COL21A1: variants seen among roughly 807,000 people sequenced by gnomAD.
COL21A1 encodes collagen alpha-1(XXI) chain.
In COL21A1, 149 loss-of-function variants were observed where a neutral mutation model predicts 137.9. That is an observed-to-expected ratio of 1.08 (90% CI 0.95 to 1.24). The LOEUF (loss-of-function observed/expected upper bound fraction) is 1.24. Among genes scored for constraint, COL21A1 ranks in the 50% most tolerant of loss-of-function variants. The pLI is 0.00. For synonymous variants in COL21A1, 456 were observed against 391.5 expected, an observed-to-expected ratio of 1.16 and a Z score of -1.95; for missense variants, 1,167 against 1,158.4, an observed-to-expected ratio of 1.01 and a Z score of -0.11.
intron 17 of COL21A1, among the ~76,000 whole-genome samples, chr6:56,097,561 C>A (rs1215717983): frequency 6.6e-6 from 1 of 150,870 alleles, no homozygotes; most frequent in Non-Finnish European, 1.5e-5. Flanking sequence ...TGGTTAAAAT[C>A]TAAAGGGCCA....
At chr6:56,349,342 C>A (rs1418134800) in intron 1 of COL21A1, among the ~76,000 whole-genome samples, 1 of 103,654 alleles carries the variant, frequency 9.6e-6, no homozygotes, top group Non-Finnish European at 2.1e-5. Flanking sequence ...AGACCCGCCC[C>A]CCTGAAAAAA....
At chr6:56,366,982 A>C (rs1173114374) in intron 1 of COL21A1, among the ~76,000 whole-genome samples, 1 of 152,212 alleles carries the variant, frequency 6.6e-6, no homozygotes, top group African/African-American at 2.4e-5. Context: ...CTTAACAAAA[A>C]ATATAATCTT....
chr6:56,071,838 A>G (rs938237792), intron 20 of COL21A1, among the ~76,000 whole-genome samples: 1 of 151,592 alleles, frequency 6.6e-6, no homozygotes, highest in African/African-American at 2.4e-5. Context: ...GTTCTGGGTT[A>G]TATGTGCAGG....
rs2114121239 is a variant in COL21A1, at chr6:56,075,547, C to T, written c.1858-15G>A. The T allele has an allele frequency of 6.8e-7, 1 of 1,477,324 alleles. No individual in the cohort carries two copies. Among genetic ancestry groups the T allele is most frequent in the East Asian group, 2.5e-5 (1 of 39,964 alleles). The allele number at this position is 1,477,324 out of a possible 1,614,324, so 91.5% of individuals were successfully genotyped here. On this transcript the variant is annotated splice_polypyrimidine_tract_variant and intron_variant, in intron 18 of 29. Transcript: ENST00000244728. ...CCAATTTCTCCCTAAAAAAATCAAA[C>T]ATTAAAAACATTATAAATTGTAAAT...
At chr6:56,292,399 C>CA (rs969044371) in intron 1 of COL21A1, among the ~76,000 whole-genome samples, 17 of 139,968 alleles carry the variant, frequency 1.2e-4, no homozygotes, top group African/African-American at 4.0e-4. Context: ...GGACCCCCCC[C>CA]CTCCCCCGCC....
chr6:56,219,265 G>C (rs1780682484), intron 1 of COL21A1, among the ~76,000 whole-genome samples: 1 of 146,246 alleles, frequency 6.8e-6, no homozygotes. Flanking sequence ...TTGGTGGTCT[G>C]CTGTCGGTCT....
chr6:56,115,821 G>T (rs1029322447), intron 16 of COL21A1, among the ~76,000 whole-genome samples: 4 of 152,036 alleles, frequency 2.6e-5, no homozygotes, highest in Non-Finnish European at 4.4e-5. Flanking sequence ...ATTTCACAAA[G>T]AAATTGAAAT....
chr6:56,158,262 T>TTTC (rs1775918333), intron 9 of COL21A1, among the ~76,000 whole-genome samples: 3 of 119,666 alleles, frequency 2.5e-5, no homozygotes, highest in African/African-American at 1.1e-4. Flanking sequence ...TCTTTTTTTT[T>TTTC]TTTCTTTTTT....
In COL21A1 at chr6:56,124,274, C is replaced by T. The variant is rs1772821154; in HGVS notation, c.1669G>A (p.Gly557Arg). Residue 557 changes from glycine (G) to arginine (R), a missense_variant, in exon 15 of 30, where the codon GGG becomes AGG. Gly to Arg is a moderately radical substitution (Grantham distance 125). Coordinates refer to ENST00000244728, the MANE Select transcript of COL21A1 (RefSeq NM_030820.4). ...GGGAGGCCAGGGAAGCCAGCATTCC[C>T]CTTTTCACCTTTTGCACCCTGTATC... ...YGKKGAKGEKGNAGFPGLPGP... is the reference protein window; with the variant it reads ...YGKKGAKGEKRNAGFPGLPGP... 1 of 1,603,518 alleles carries T rather than the reference C, an allele frequency of 6.2e-7. No homozygotes were observed. Among genetic ancestry groups the T allele is most frequent in the Non-Finnish European group, 8.5e-7 (1 of 1,174,788 alleles).
intron 10 of COL21A1, among the ~76,000 whole-genome samples, chr6:56,151,687 G>A (rs1441773673): frequency 2.0e-5 from 3 of 152,134 alleles, no homozygotes; most frequent in Admixed American, 2.0e-4. Context: ...TTATTGAGGG[G>A]GGTTGCACAG....
At position 56,316,477 on chromosome 6, in the gene COL21A1, C is replaced by CT. The variant is rs60388494; in HGVS notation, c.-39+77493dup. ...CACACCTTTTAAAATTCTAAATAGA[C>CT]TTTTTTTTTTTTTTTTTTTTTTGAG... On this transcript the variant is annotated intron_variant, in intron 1 of 28. Transcript: ENST00000370819. Among the ~76,000 whole-genome samples, 93 of 75,780 alleles carry CT rather than the reference C, an allele frequency of 1.2e-3. 5 individuals are homozygous for CT. Among genetic ancestry groups the CT allele is most frequent in the African/African-American group, 3.3e-3 (65 of 19,880 alleles). The allele number at this position is 75,780 out of a possible 152,430, so 49.7% of individuals were successfully genotyped here.
chr6:56,182,044 C>CT (rs869186861), intron 2 of COL21A1, among the ~76,000 whole-genome samples: 2 of 151,928 alleles, frequency 1.3e-5, no homozygotes. Flanking sequence ...CATAAGCAAA[C>CT]TTTTTTTTAA....
chr6:56,304,235 T>C lies in COL21A1; in HGVS notation c.-39+89736A>G, dbSNP rs1417602011. 2.0e-5 allele frequency among the ~76,000 whole-genome samples: 3 copies of C among 152,212 alleles called. No individual in the cohort carries two copies. The East Asian group carries it at 5.8e-4, about 29-fold the overall frequency. On this transcript the variant is annotated intron_variant, in intron 1 of 28. Coordinates refer to the COL21A1 transcript ENST00000370819. The stretch of plus-strand genomic sequence containing the variant: ...CTGCCCAGCTTTGGTATCAGGATGA[T>C]GCTGGCCTCATAAAATGAGTTAGGG...
intron 1 of COL21A1, among the ~76,000 whole-genome samples, chr6:56,375,367 A>T (rs894963285): frequency 6.6e-6 from 1 of 152,230 alleles, no homozygotes; most frequent in Admixed American, 6.5e-5. Context: ...CTCGCTTCCA[A>T]TTGAGTTCAG....
intron 1 of COL21A1, among the ~76,000 whole-genome samples, chr6:56,364,766 A>G (rs80312932): frequency 1.1e-4 from 9 of 78,562 alleles, no homozygotes; most frequent in Non-Finnish European, 2.4e-4. Flanking sequence ...AGAGCCCAGG[A>G]AAAAAAAAAA....
intron 1 of COL21A1, among the ~76,000 whole-genome samples, chr6:56,244,950 C>A (rs565900731): frequency 6.6e-6 from 1 of 152,184 alleles, no homozygotes; most frequent in African/African-American, 2.4e-5. Context: ...GTGTGTGTGA[C>A]TTGAAGCATT....
At chr6:56,326,001 CATATATTATGTATATGTATATACATA>C (rs70989705) in intron 1 of COL21A1, among the ~76,000 whole-genome samples, 24 of 2,570 alleles carry the variant, frequency 9.3e-3, no homozygotes, top group African/African-American at 0.03. Context: ...TATATACATA[CATATATTATGTATATGTATATACATA>C]ATATATTATG....
At chr6:56,112,976 G>A (rs139133321) in intron 16 of COL21A1, among the ~76,000 whole-genome samples, 14 of 152,252 alleles carry the variant, frequency 9.2e-5, no homozygotes, top group African/African-American at 2.9e-4. Flanking sequence ...GAGTCACGGC[G>A]CTAGGCCCAG....
intron 1 of COL21A1, among the ~76,000 whole-genome samples, chr6:56,338,054 C>A (rs1490236084): frequency 6.6e-6 from 1 of 150,776 alleles, no homozygotes; most frequent in African/African-American, 2.4e-5. Context: ...CCTCCGCCTC[C>A]CGGGTTCAAG....
Sources: allele counts gnomAD v4.1 joint callset (sites outside exome capture counted in the v4.1 genomes callset), GRCh38; gene constraint gnomAD v4.1.1; transcripts MANE v1.5; gene names NCBI Gene and HGNC (gene_info 2026-07-23, HGNC 2026-07-21).